The following KCNT2 variants were observed in gnomAD, a reference collection of about 807,000 sequenced individuals.
The protein encoded by KCNT2 is potassium channel subfamily T member 2.
In KCNT2, 67 loss-of-function variants were observed where a neutral mutation model predicts 153.8. The observed-to-expected ratio is 0.44, with a 90% CI of 0.36 to 0.53. KCNT2 has a LOEUF of 0.53. Among genes scored for constraint, KCNT2 ranks in the 20% least tolerant of loss-of-function variants. KCNT2 has a pLI of 0.00. For missense variants in KCNT2, 975 were observed against 1,354.8 expected, an observed-to-expected ratio of 0.72 and a Z score of 4.40; for synonymous variants, 500 against 458.8, an observed-to-expected ratio of 1.09 and a Z score of -1.15.
intron 12 of KCNT2, among the ~76,000 whole-genome samples, chr1:196,414,283 T>C (rs1322081884): frequency 6.6e-6 from 1 of 151,752 alleles, no homozygotes; most frequent in Non-Finnish European, 1.5e-5. Context: ...ACTTGCAGTA[T>C]TTTTTAATAG....
At chr1:196,365,972 G>C (rs187952523) in intron 14 of KCNT2, among the ~76,000 whole-genome samples, 1 of 152,154 alleles carries the variant, frequency 6.6e-6, no homozygotes, top group East Asian at 1.9e-4. Flanking sequence ...CCAGTTTCAA[G>C]GCTTTAAATG....
chr1:196,477,823 T>G (rs1322226858), intron 5 of KCNT2, among the ~76,000 whole-genome samples: 1 of 152,212 alleles, frequency 6.6e-6, no homozygotes, highest in Admixed American at 6.5e-5. Context: ...TAAGCCTTAG[T>G]TTCCACCCTG....
chr1:196,285,594 T>A, intron 23 of KCNT2, 63 bp downstream of exon 23: 3 of 1,043,464 alleles, frequency 2.9e-6, no homozygotes, highest in Non-Finnish European at 4.3e-6. Flanking sequence ...GTATTATTCA[T>A]TTAAATAAAA....
chr1:196,446,864 A>G (rs1052692586), intron 8 of KCNT2, among the ~76,000 whole-genome samples: 1 of 151,510 alleles, frequency 6.6e-6, no homozygotes, highest in Non-Finnish European at 1.5e-5. Context: ...TCTTCCTTCC[A>G]CTTATGTAAT....
intron 26 of KCNT2, among the ~76,000 whole-genome samples, chr1:196,238,954 T>A (rs1325328359): frequency 1.3e-5 from 2 of 152,004 alleles, no homozygotes; most frequent in Admixed American, 1.3e-4. Flanking sequence ...CCATCAGTCA[T>A]TCTCTATGGT....
At chr1:196,422,159 T>C (rs897637116) in intron 12 of KCNT2, among the ~76,000 whole-genome samples, 3 of 151,994 alleles carry the variant, frequency 2.0e-5, no homozygotes, top group Admixed American at 1.3e-4. Context: ...AATGGATAAG[T>C]AGTTTAGGTA....
At chr1:196,459,303 A>G (rs1292876560) in intron 8 of KCNT2, among the ~76,000 whole-genome samples, 3 of 151,826 alleles carry the variant, frequency 2.0e-5, no homozygotes, top group African/African-American at 7.2e-5. Flanking sequence ...GCCCTAATGT[A>G]CAAACATGGA....
chr1:196,243,463 T>C (rs1489322616), intron 26 of KCNT2, among the ~76,000 whole-genome samples: 1 of 152,166 alleles, frequency 6.6e-6, no homozygotes, highest in Non-Finnish European at 1.5e-5. Context: ...AAGACCATCT[T>C]GAATTTCCAA....
intron 1 of KCNT2, among the ~76,000 whole-genome samples, chr1:196,503,360 C>T (rs1022326000): frequency 2.6e-5 from 4 of 152,170 alleles, no homozygotes; most frequent in African/African-American, 9.6e-5. Context: ...TAAAGCTGTT[C>T]ATCACAAAAC....
chr1:196,353,572 A>G (rs1185211874), intron 14 of KCNT2, among the ~76,000 whole-genome samples: 1 of 151,924 alleles, frequency 6.6e-6, no homozygotes. Context: ...TATCTGTTCC[A>G]TTAACTTTTG....
At chr1:196,406,826 G>T (rs988472868) in intron 12 of KCNT2, among the ~76,000 whole-genome samples, 12 of 151,368 alleles carry the variant, frequency 7.9e-5, no homozygotes, top group Admixed American at 7.3e-4. Context: ...CACTCTCGTG[G>T]CTGAAAATTT....
intron 12 of KCNT2, among the ~76,000 whole-genome samples, chr1:196,407,562 A>C (rs183858370): frequency 1.3e-5 from 2 of 151,620 alleles, no homozygotes; most frequent in East Asian, 3.9e-4. Context: ...TTAGGGAATG[A>C]CATAGTACAG....
intron 1 of KCNT2, among the ~76,000 whole-genome samples, chr1:196,598,490 A>C (rs903306860): frequency 9.2e-5 from 14 of 152,242 alleles, no homozygotes; most frequent in African/African-American, 3.4e-4. Context: ...TTCAGAAAGT[A>C]TGACCAACTT....
intron 1 of KCNT2, among the ~76,000 whole-genome samples, chr1:196,519,208 A>G (rs1423535568): frequency 6.6e-6 from 1 of 152,206 alleles, no homozygotes; most frequent in Non-Finnish European, 1.5e-5. Flanking sequence ...GGAGTAAACA[A>G]TGAAATTAAG....
At chr1:196,359,401 C>T (rs1424808529) in intron 14 of KCNT2, among the ~76,000 whole-genome samples, 1 of 151,796 alleles carries the variant, frequency 6.6e-6, no homozygotes, top group Non-Finnish European at 1.5e-5. Context: ...ATTTCTTTTT[C>T]CTTGTATCAA....
At chr1:196,496,088 TAGAC>T (rs1029942067) in intron 1 of KCNT2, among the ~76,000 whole-genome samples, 5 of 152,186 alleles carry the variant, frequency 3.3e-5, no homozygotes, top group African/African-American at 7.2e-5. Context: ...TTGGGTTTGC[TAGAC>T]AGACAGTTAT....
intron 1 of KCNT2, among the ~76,000 whole-genome samples, chr1:196,506,207 C>T (rs1004916267): frequency 6.6e-6 from 1 of 152,146 alleles, no homozygotes; most frequent in South Asian, 2.1e-4. Context: ...GGTCTGATAA[C>T]TATTCTCTGT....
At chr1:196,467,981 G>C (rs1677762536) in intron 6 of KCNT2, among the ~76,000 whole-genome samples, 195 bp from the exon 7 acceptor site, 1 of 152,040 alleles carries the variant, frequency 6.6e-6, no homozygotes, top group Non-Finnish European at 1.5e-5. Context: ...ATCTTTCTTA[G>C]GGAAATTATT....
chr1:196,328,355 G>GA (rs1306999201), intron 18 of KCNT2, among the ~76,000 whole-genome samples: 1 of 151,916 alleles, frequency 6.6e-6, no homozygotes, highest in South Asian at 2.1e-4. Context: ...AACCTAGGGT[G>GA]AAAAAATTAA....
Sources: gnomAD v4.1 joint callset for allele counts (sites outside exome capture counted in the v4.1 genomes callset) on GRCh38, gnomAD v4.1.1 for gene constraint, MANE v1.5 for transcripts, NCBI Gene and HGNC (gene_info 2026-07-23, HGNC 2026-07-21) for gene names.